FGD3: variants seen among roughly 807,000 people sequenced by gnomAD.
FGD3 encodes the protein FYVE, RhoGEF and PH domain-containing protein 3.
FGD3 carries 45 observed loss-of-function variants against 71.8 expected under a neutral mutation model. The observed-to-expected ratio is 0.63, with a 90% CI of 0.49 to 0.80. The LOEUF (loss-of-function observed/expected upper bound fraction) is 0.80, where lower values mean the gene tolerates loss of function less well. FGD3 is among the 30% of genes least tolerant of loss of function. The pLI is 0.00. For missense variants in FGD3, 844 were observed against 951.5 expected, an observed-to-expected ratio of 0.89 and a Z score of 1.49; for synonymous variants, 378 against 392.8, an observed-to-expected ratio of 0.96 and a Z score of 0.44.
At chr9:92,958,484 C>G (rs1352035211) in intron 1 of FGD3, among the ~76,000 whole-genome samples, 1 of 152,166 alleles carries the variant, frequency 6.6e-6, no homozygotes, top group Non-Finnish European at 1.5e-5. Flanking sequence ...CACTTGGAGT[C>G]TATATGTGGC....
chr9:92,954,491 G>C (rs1013673451), intron 1 of FGD3, among the ~76,000 whole-genome samples: 10 of 152,160 alleles, frequency 6.6e-5, no homozygotes, highest in African/African-American at 2.4e-4. Flanking sequence ...TCCTGTGCCC[G>C]TGTGGCCCAA....
rs1219958436 is a variant in FGD3 at position 93,003,393 on chromosome 9, T to C, written c.543+379T>C. Among the ~76,000 whole-genome samples, 1 of 152,152 alleles carries C rather than the reference T, an allele frequency of 6.6e-6. No individual in the cohort carries two copies. The highest frequency in any genetic ancestry group is 6.5e-5 in the Admixed American group (1 of 15,270). ...ATCCACCAGCCTCGGCCTCCCAAAG[T>C]CCTGGGATTACAGGCGTGAGCCACC... On this transcript the variant is annotated intron_variant, in intron 4 of 17. Transcript: ENST00000375482. The surrounding 1 kb of genome is among the most constrained non-coding windows in gnomAD (Gnocchi z 4.1).
intron 17 of FGD3, 122 bp from the exon 18 acceptor site, chr9:93,035,216 C>T (rs1433193835): frequency 7.1e-7 from 1 of 1,401,830 alleles, no homozygotes; most frequent in Non-Finnish European, 9.4e-7. Context: ...ACCCCTCGGG[C>T]TCAGCACCTG....
intron 10 of FGD3, among the ~76,000 whole-genome samples, chr9:93,016,422 C>T (rs1476327070): frequency 6.6e-6 from 1 of 151,194 alleles, no homozygotes; most frequent in Non-Finnish European, 1.5e-5. Flanking sequence ...ACTGCAACCT[C>T]CACCTCCTGG....
chr9:92,948,144 A>G (rs1858889765), intron 1 of FGD3, among the ~76,000 whole-genome samples: 1 of 151,418 alleles, frequency 6.6e-6, no homozygotes, highest in South Asian at 2.1e-4. Flanking sequence ...TGGGAAAGGA[A>G]AATAGTCTGC....
intron 5 of FGD3, 80 bp from the exon 6 acceptor site, chr9:93,005,944 C>T (rs1488542319): frequency 2.7e-6 from 4 of 1,485,520 alleles, no homozygotes; most frequent in East Asian, 4.7e-5. Flanking sequence ...CCCACACCCC[C>T]CTGGTGGAGT....
intron 9 of FGD3, 22 bp downstream of exon 9, chr9:93,014,020 C>A (rs1034624097): frequency 1.3e-6 from 2 of 1,590,288 alleles, no homozygotes; most frequent in Non-Finnish European, 1.7e-6. Context: ...CCCTGCCAGC[C>A]CAGCCGCAGA....
intron 1 of FGD3, among the ~76,000 whole-genome samples, chr9:92,955,071 C>T (rs1315877862): frequency 2.6e-5 from 4 of 152,242 alleles, no homozygotes; most frequent in South Asian, 2.1e-4. Context: ...AGGGAACAGA[C>T]GTGAGAGGCA....
intron 14 of FGD3, among the ~76,000 whole-genome samples, chr9:93,027,655 G>T (rs1380655886): frequency 6.6e-6 from 1 of 151,106 alleles, no homozygotes; most frequent in Non-Finnish European, 1.5e-5. Context: ...TGCCCAATCT[G>T]AGCCACCCCT....
Position 93,010,040 on chromosome 9 carries a change from C to T in FGD3, c.838-206C>T, listed in dbSNP as rs141758962. Among the ~76,000 whole-genome samples the T allele has an allele frequency of 3.8e-3, 580 of 152,260 alleles. 1 individual carries two copies. Among genetic ancestry groups the T allele is most frequent in the Middle Eastern group, 0.031 (9 of 294 alleles). On this transcript the variant is annotated intron_variant, in intron 6 of 17. Transcript: ENST00000375482. ...GCCAAGGGCCAGCCTGCCTGGGGTT[C>T]CAGTTCTTGCTCCATTGGTCAGTCT...
intron 14 of FGD3, among the ~76,000 whole-genome samples, chr9:93,023,115 C>T (rs28493763): frequency 0.025 from 3,825 of 152,296 alleles, 152 homozygotes; most frequent in African/African-American, 0.087. Context: ...TGGAGCACCC[C>T]GATGTGGCTG....
chr9:93,022,982 G>C (rs1218796735), intron 14 of FGD3, among the ~76,000 whole-genome samples: 1 of 152,178 alleles, frequency 6.6e-6, no homozygotes, highest in Admixed American at 6.5e-5. Flanking sequence ...CTGGGATAAG[G>C]CCTGCCTCCC....
At chr9:92,967,987 A>G (rs1343419985) in intron 1 of FGD3, among the ~76,000 whole-genome samples, 2 of 152,202 alleles carry the variant, frequency 1.3e-5, no homozygotes, top group African/African-American at 4.8e-5. Context: ...GTTGTAGGGA[A>G]TGCTGCTATG....
intron 14 of FGD3, among the ~76,000 whole-genome samples, chr9:93,029,047 T>A (rs1862254701): frequency 8.1e-6 from 1 of 123,324 alleles, no homozygotes; most frequent in Non-Finnish European, 1.6e-5. Flanking sequence ...TGAGACAGAA[T>A]CTCGCTCTAT....
At chr9:93,027,194 C>A (rs1862146363) in intron 14 of FGD3, among the ~76,000 whole-genome samples, 1 of 152,236 alleles carries the variant, frequency 6.6e-6, no homozygotes, top group South Asian at 2.1e-4. Context: ...CTGTGCCAAG[C>A]AGGACAGGTG....
intron 15 of FGD3, among the ~76,000 whole-genome samples, chr9:93,031,859 C>T (rs1337389824): frequency 6.6e-6 from 1 of 152,034 alleles, no homozygotes; most frequent in Non-Finnish European, 1.5e-5. Context: ...CCTCTTTGTG[C>T]TGGGAAAAGG....
chr9:92,954,634 T>C (rs1859015639), intron 1 of FGD3, among the ~76,000 whole-genome samples: 1 of 152,218 alleles, frequency 6.6e-6, no homozygotes, highest in African/African-American at 2.4e-5. Context: ...CAAGGATTCT[T>C]GTGTCCTAGG....
intron 1 of FGD3, among the ~76,000 whole-genome samples, chr9:92,961,220 G>T (rs1053997999): frequency 6.6e-6 from 1 of 152,162 alleles, no homozygotes; most frequent in Non-Finnish European, 1.5e-5. Context: ...TCTCATCAGA[G>T]GCACCCACCC....
chr9:92,966,392 G>A (rs1356958494), intron 1 of FGD3, among the ~76,000 whole-genome samples: 1 of 152,192 alleles, frequency 6.6e-6, no homozygotes, highest in Non-Finnish European at 1.5e-5. Flanking sequence ...GCTGCCTGCC[G>A]GTGAGTGTCC....
Sources: allele counts gnomAD v4.1 joint callset (sites outside exome capture counted in the v4.1 genomes callset), GRCh38; gene constraint gnomAD v4.1.1; non-coding constraint Gnocchi (gnomAD v3.1); transcripts MANE v1.5; gene names NCBI Gene and HGNC (gene_info 2026-07-23, HGNC 2026-07-21).